Variants in FLI1 observed in about 807,000 individuals in gnomAD.
FLI1 encodes Fli-1 proto-oncogene, ETS transcription factor, also known as Friend leukemia integration 1 transcription factor.
A neutral mutation model predicts 53.1 loss-of-function variants in FLI1; 13 were observed. The ratio of observed to expected loss-of-function variants is 0.24; its 90% CI spans 0.16 to 0.39. FLI1 has a LOEUF of 0.39. Among genes scored for constraint, FLI1 ranks in the 10% least tolerant of loss-of-function variants. The pLI is 1.00. For missense variants in FLI1, 424 were observed against 600.5 expected (o/e 0.71, Z 3.07); for synonymous variants, 244 against 236.7 (o/e 1.03, Z -0.28).
chr11:128,763,177 C>T (rs1418327117), intron 2 of FLI1, among the ~76,000 whole-genome samples: 2 of 152,166 alleles, frequency 1.3e-5, no homozygotes, highest in African/African-American at 4.8e-5. Context: ...CTGAAGCTAC[C>T]ATGCCCACTT....
chr11:128,723,106 G>C (rs1339561792), intron 1 of FLI1, among the ~76,000 whole-genome samples: 1 of 152,094 alleles, frequency 6.6e-6, no homozygotes, highest in South Asian at 2.1e-4. Context: ...CGCTCTGAAG[G>C]CTCCACCTCC....
Position 128,768,225 on chromosome 11 carries a change from C to G in FLI1, c.338C>G (p.Pro113Arg). 1 of 1,613,930 alleles carries G rather than the reference C, an allele frequency of 6.2e-7. No homozygotes were observed. Among genetic ancestry groups the G allele is most frequent in the Non-Finnish European group, 8.5e-7 (1 of 1,179,866 alleles). ...NSYMDEKNGP[P>R]PPNMTTNERR... ...TATATGGACGAGAAGAATGGCCCCC[C>G]TCCTCCCAACATGACCACCAACGAG... Residue 113 changes from proline (P) to arginine (R), a missense_variant, in exon 3 of 9, where the codon CCT becomes CGT. Around this residue, in one of 5 missense-constraint regions of FLI1, gnomAD observed 137 missense variants for 169.1 expected, o/e 0.81. Coordinates refer to ENST00000527786, the MANE Select transcript of FLI1 (RefSeq NM_002017.5).
intron 6 of FLI1, chr11:128,806,866 T>C (rs1475615373): frequency 8.7e-6 from 2 of 231,092 alleles, no homozygotes; most frequent in East Asian, 8.2e-5. Flanking sequence ...TAGTTTACTT[T>C]TTAAAAATTT....
intron 5 of FLI1, among the ~76,000 whole-genome samples, chr11:128,793,255 C>A (rs1942333145): frequency 6.6e-6 from 1 of 151,866 alleles, no homozygotes; most frequent in Non-Finnish European, 1.5e-5. Context: ...CCTCTGTAAG[C>A]TTCATAAACC....
chr11:128,695,552 G>A (rs957665973), intron 1 of FLI1, among the ~76,000 whole-genome samples: 3 of 152,232 alleles, frequency 2.0e-5, no homozygotes, highest in Non-Finnish European at 4.4e-5. Flanking sequence ...TCTGGGTGGG[G>A]TCGTGGTTTT....
intron 1 of FLI1, chr11:128,686,755 C>T: frequency 3.3e-6 from 1 of 305,444 alleles, no homozygotes; most frequent in Non-Finnish European, 6.6e-6. Flanking sequence ...TCTACCCCAC[C>T]CGGGCCTATG....
At chr11:128,709,465 A>G (rs1938694600) in intron 1 of FLI1, among the ~76,000 whole-genome samples, 1 of 152,158 alleles carries the variant, frequency 6.6e-6, no homozygotes, top group African/African-American at 2.4e-5. Context: ...CCATGTAGAC[A>G]CCATCCCCTA....
intron 1 of FLI1, among the ~76,000 whole-genome samples, chr11:128,746,025 G>T (rs1263072145): frequency 1.3e-5 from 2 of 152,214 alleles, no homozygotes; most frequent in East Asian, 3.8e-4. Flanking sequence ...AACAGTCACT[G>T]GGTGTGGCTG....
At chr11:128,766,970 G>T (rs955626033) in intron 2 of FLI1, among the ~76,000 whole-genome samples, 4 of 151,938 alleles carry the variant, frequency 2.6e-5, no homozygotes, top group Non-Finnish European at 5.9e-5. Context: ...CCTTCCCATC[G>T]TCTCCTTTGG....
chr11:128,747,803 G>T (rs1940464857), intron 1 of FLI1, among the ~76,000 whole-genome samples: 1 of 152,212 alleles, frequency 6.6e-6, no homozygotes, highest in African/African-American at 2.4e-5. Flanking sequence ...GACAGACCCA[G>T]TGTAAAGAAA....
intron 5 of FLI1, among the ~76,000 whole-genome samples, chr11:128,792,588 A>G (rs1942304268): frequency 6.6e-6 from 1 of 152,242 alleles, no homozygotes; most frequent in African/African-American, 2.4e-5. Context: ...CTTCCATGCC[A>G]CATGGAGACA....
intron 5 of FLI1, among the ~76,000 whole-genome samples, chr11:128,802,055 C>A (rs7936133): frequency 0.12 from 18,168 of 152,202 alleles, 1,157 homozygotes; most frequent in East Asian, 0.17. Flanking sequence ...TGGTCTGTGA[C>A]ACAAATCGTA....
chr11:128,789,839 G>A (rs1228949412), intron 5 of FLI1, among the ~76,000 whole-genome samples: 1 of 152,196 alleles, frequency 6.6e-6, no homozygotes, highest in African/African-American at 2.4e-5. Context: ...GTAATCTCCT[G>A]TTATTTTTAG....
intron 5 of FLI1, 33 bp from the exon 6 acceptor site, chr11:128,805,333 G>C (rs747139052): frequency 8.1e-6 from 11 of 1,356,134 alleles, no homozygotes; most frequent in Non-Finnish European, 1.1e-5. Flanking sequence ...AGCAGGCGAT[G>C]CTAATGTACC....
intron 1 of FLI1, among the ~76,000 whole-genome samples, chr11:128,730,302 C>A (rs1170019551): frequency 6.6e-6 from 1 of 152,182 alleles, no homozygotes; most frequent in Non-Finnish European, 1.5e-5. Flanking sequence ...GCTGAGGTCA[C>A]CCAGACTGCG....
chr11:128,704,002 C>T (rs1292873591), intron 1 of FLI1, among the ~76,000 whole-genome samples: 2 of 152,034 alleles, frequency 1.3e-5, no homozygotes, highest in Admixed American at 6.6e-5. Context: ...GGCCTAGGAT[C>T]CGGAGACCTG....
At chr11:128,709,688 T>C (rs1441374447) in intron 1 of FLI1, among the ~76,000 whole-genome samples, 1 of 152,218 alleles carries the variant, frequency 6.6e-6, no homozygotes, top group Non-Finnish European at 1.5e-5. Flanking sequence ...ACAAATTCTC[T>C]TGTCCAACCT....
At chr11:128,792,637 T>C (rs1459259114) in intron 5 of FLI1, among the ~76,000 whole-genome samples, 3 of 151,546 alleles carry the variant, frequency 2.0e-5, no homozygotes, top group Non-Finnish European at 4.4e-5. Context: ...GACCAACGTA[T>C]AGGAAGCATC....
At chr11:128,708,911 C>A (rs553295678) in intron 1 of FLI1, among the ~76,000 whole-genome samples, 1 of 152,308 alleles carries the variant, frequency 6.6e-6, no homozygotes, top group Admixed American at 6.5e-5. Context: ...CATGCCCACA[C>A]AATGTAAATA....
Sources: gnomAD v4.1 joint callset for allele counts (sites outside exome capture counted in the v4.1 genomes callset) on GRCh38, gnomAD v4.1.1 for gene constraint, gnomAD v4.1.1 regional missense constraint, MANE v1.5 for transcripts, NCBI Gene and HGNC (gene_info 2026-07-23, HGNC 2026-07-21) for gene names.